RNF180: variants seen among roughly 807,000 people sequenced by gnomAD.
The protein encoded by RNF180 is E3 ubiquitin-protein ligase RNF180.
Under a neutral mutation model 59.2 loss-of-function variants are expected in RNF180, and 38 were observed. The observed-to-expected ratio is 0.64, with a 90% CI of 0.50 to 0.84. The LOEUF (loss-of-function observed/expected upper bound fraction) is 0.84. Ranked by LOEUF, RNF180 falls within the 40% of genes least tolerant of loss-of-function variation. The pLI, the probability that RNF180 is intolerant of heterozygous loss-of-function variation, is 0.00. For synonymous variants in RNF180, 262 were observed against 240.3 expected (o/e 1.09, Z -0.84); for missense variants, 705 against 700.9 (o/e 1.01, Z -0.07).
intron 1 of RNF180, among the ~76,000 whole-genome samples, chr5:64,175,664 T>G (rs1750194087): frequency 6.6e-6 from 1 of 152,180 alleles, no homozygotes; most frequent in Non-Finnish European, 1.5e-5. Context: ...GTCATTGGTA[T>G]TTTTATAGGG....
intron 5 of RNF180, among the ~76,000 whole-genome samples, chr5:64,286,219 T>C (rs1299492449): frequency 6.6e-6 from 1 of 152,204 alleles, no homozygotes; most frequent in Admixed American, 6.5e-5. Context: ...GATTAACAAG[T>C]ATGTATTTAA....
chr5:64,170,394 A>G (rs771115756), intron 1 of RNF180, among the ~76,000 whole-genome samples: 9 of 152,198 alleles, frequency 5.9e-5, no homozygotes, highest in Non-Finnish European at 1.0e-4. Context: ...CTGACTCTAT[A>G]AGAGGGACCA....
At position 64,213,614 on chromosome 5, in the gene RNF180, C is replaced by T; in HGVS notation, c.288C>T (p.Gly96=). The T allele has an allele frequency of 1.2e-6, 2 of 1,614,038 alleles. No homozygotes were observed. The highest frequency in any genetic ancestry group is 1.7e-6 in the Non-Finnish European group (2 of 1,179,936). ...NCPFCGARLG[G]FNFVSTPKCS... ...CTTTCTGTGGGGCCCGTTTAGGGGG[C>T]TTTAATTTTGTCAGCACTCCAAAAT... The change falls in exon 4 of 8, where the codon GGC becomes GGT. Residue 96 remains glycine, a synonymous_variant. Coordinates refer to ENST00000389100, the MANE Select transcript of RNF180 (RefSeq NM_001113561.2).
chr5:64,342,407 A>G (rs1745389642), intron 7 of RNF180, among the ~76,000 whole-genome samples: 1 of 152,180 alleles, frequency 6.6e-6, no homozygotes, highest in South Asian at 2.1e-4. Flanking sequence ...AGAAGTTTTG[A>G]TAACCATAGA....
chr5:64,238,198 C>CATATAT (rs1742568485), intron 5 of RNF180, among the ~76,000 whole-genome samples: 4 of 152,060 alleles, frequency 2.6e-5, no homozygotes, highest in Non-Finnish European at 5.9e-5. Flanking sequence ...CTGTATAGTA[C>CATATAT]CCATTATATG....
intron 5 of RNF180, among the ~76,000 whole-genome samples, chr5:64,315,220 A>G (rs931772872): frequency 2.0e-5 from 3 of 152,212 alleles, no homozygotes; most frequent in African/African-American, 7.2e-5. Flanking sequence ...GTAAGCAAAA[A>G]CAAATTTTAC....
chr5:64,196,685 G>A (rs1433232656), intron 1 of RNF180, among the ~76,000 whole-genome samples: 1 of 151,914 alleles, frequency 6.6e-6, no homozygotes, highest in African/African-American at 2.4e-5. Context: ...TTTATAAATA[G>A]TTTGGTTCAT....
intron 7 of RNF180, among the ~76,000 whole-genome samples, chr5:64,337,009 T>G (rs79227200): frequency 0.028 from 4,183 of 151,628 alleles, 187 homozygotes; most frequent in African/African-American, 0.089. Flanking sequence ...TTGTTGTTTT[T>G]TTTTTGTTTT....
At chr5:64,348,381 C>A (rs1014372552) in intron 7 of RNF180, among the ~76,000 whole-genome samples, 1 of 152,012 alleles carries the variant, frequency 6.6e-6, no homozygotes, top group Admixed American at 6.6e-5. Context: ...GAAACTTATT[C>A]TTTCAAGTTA....
chr5:64,356,046 G>A (rs148694784), intron 7 of RNF180, among the ~76,000 whole-genome samples: 70 of 151,706 alleles, frequency 4.6e-4, no homozygotes, highest in African/African-American at 1.4e-3. Flanking sequence ...ACTTGAGGCC[G>A]GGAGTTCAAG....
chr5:64,226,091 C>G (rs1185696665), intron 5 of RNF180, among the ~76,000 whole-genome samples: 1 of 151,600 alleles, frequency 6.6e-6, no homozygotes, highest in Non-Finnish European at 1.5e-5. Flanking sequence ...GCGCCTCTGC[C>G]TGGCTGCCCC....
intron 1 of RNF180, among the ~76,000 whole-genome samples, chr5:64,185,127 A>T (rs1311748466): frequency 6.6e-6 from 1 of 152,196 alleles, no homozygotes; most frequent in Non-Finnish European, 1.5e-5. Context: ...CTCTACATCC[A>T]ATCTGTCTGG....
chr5:64,302,824 G>A (rs139714343), intron 5 of RNF180, among the ~76,000 whole-genome samples: 26 of 151,704 alleles, frequency 1.7e-4, no homozygotes, highest in African/African-American at 3.6e-4. Flanking sequence ...GAAAGAACTT[G>A]TTGAGTGCCA....
intron 1 of RNF180, among the ~76,000 whole-genome samples, chr5:64,196,770 T>C (rs539021049): frequency 6.6e-6 from 1 of 152,268 alleles, no homozygotes; most frequent in Non-Finnish European, 1.5e-5. Context: ...ATTACTCTTA[T>C]AGAATTATTT....
chr5:64,220,300 T>C (rs1752842768), intron 5 of RNF180, among the ~76,000 whole-genome samples: 1 of 151,950 alleles, frequency 6.6e-6, no homozygotes, highest in African/African-American at 2.4e-5. Flanking sequence ...TATTTGTCCT[T>C]CTTTTATAAT....
At chr5:64,264,025 G>C (rs924861052) in intron 5 of RNF180, among the ~76,000 whole-genome samples, 2 of 152,112 alleles carry the variant, frequency 1.3e-5, no homozygotes, top group Admixed American at 1.3e-4. Context: ...GCTGTGGCCT[G>C]ATTTACTTCA....
chr5:64,231,682 T>C (rs575890843), intron 5 of RNF180, among the ~76,000 whole-genome samples: 61 of 152,376 alleles, frequency 4.0e-4, no homozygotes, highest in African/African-American at 1.4e-3. Context: ...ATTCTCTTCT[T>C]ACTCAGAAGC....
At chr5:64,182,782 T>C (rs1009963189) in intron 1 of RNF180, among the ~76,000 whole-genome samples, 8 of 152,294 alleles carry the variant, frequency 5.3e-5, no homozygotes, top group African/African-American at 1.9e-4. Flanking sequence ...AGAAAAAGTT[T>C]AAAGTAAAGA....
At chr5:64,275,433 T>G (rs931164392) in intron 5 of RNF180, among the ~76,000 whole-genome samples, 2 of 151,098 alleles carry the variant, frequency 1.3e-5, no homozygotes, top group African/African-American at 4.9e-5. Flanking sequence ...CAAGTTTGTG[T>G]GTGAAGAGGT....
Sources: gnomAD v4.1 joint callset for allele counts (sites outside exome capture counted in the v4.1 genomes callset) on GRCh38, gnomAD v4.1.1 for gene constraint, MANE v1.5 for transcripts, NCBI Gene and HGNC (gene_info 2026-07-23, HGNC 2026-07-21) for gene names.